Variants in PRELID2 observed in about 807,000 individuals in gnomAD.
The protein encoded by PRELID2 is PRELI domain-containing protein 2.
Under a neutral mutation model 28.4 loss-of-function variants are expected in PRELID2, and 25 were observed. That is an observed-to-expected ratio of 0.88 (90% CI 0.64 to 1.23). The LOEUF (loss-of-function observed/expected upper bound fraction) is 1.23. Ranked by LOEUF, PRELID2 falls within the 50% of genes most tolerant of loss-of-function variation. The probability of loss-of-function intolerance (pLI) is 0.00; values close to 1 mark genes in which losing one functional copy is unlikely to be tolerated. For missense variants in PRELID2, 201 were observed against 214.4 expected (o/e 0.94, Z 0.39); for synonymous variants, 76 against 71.6 (o/e 1.06, Z -0.31).
the PRELID2 span, among the ~76,000 whole-genome samples, chr5:145,339,982 C>T: frequency 1.3e-5 from 2 of 152,300 alleles, no homozygotes; most frequent in East Asian, 3.9e-4. Context: ...GCTAACTTCA[C>T]TCTCCATGAC....
chr5:145,674,011 G>A (rs865898101), intron 1 of PRELID2, among the ~76,000 whole-genome samples: 1 of 152,100 alleles, frequency 6.6e-6, no homozygotes, highest in Admixed American at 6.5e-5. Flanking sequence ...CCAATAAAAT[G>A]TCATCAGGTT....
chr5:145,611,037 T>C (rs571790443), intron 1 of PRELID2, among the ~76,000 whole-genome samples: 1 of 149,582 alleles, frequency 6.7e-6, no homozygotes, highest in African/African-American at 2.4e-5. Context: ...ATATGAAATA[T>C]AGAGAGAGAG....
At chr5:145,347,014 G>A in the PRELID2 span, among the ~76,000 whole-genome samples, 2 of 152,138 alleles carry the variant, frequency 1.3e-5, no homozygotes, top group South Asian at 2.1e-4. Flanking sequence ...TGATTTTATA[G>A]TGTTAAAGCT....
chr5:145,285,462 G>T, the PRELID2 span, among the ~76,000 whole-genome samples: 1 of 151,976 alleles, frequency 6.6e-6, no homozygotes, highest in Non-Finnish European at 1.5e-5. Context: ...GCATTATCTG[G>T]GTCAAAACTG....
chr5:145,600,318 C>T (rs62394189), intron 1 of PRELID2, among the ~76,000 whole-genome samples: 5,298 of 150,850 alleles, frequency 0.035, 195 homozygotes, highest in African/African-American at 0.086. Context: ...CTTTTTATTG[C>T]ATTGCTAGGA....
chr5:145,260,398 A>T, the PRELID2 span, among the ~76,000 whole-genome samples: 1 of 152,240 alleles, frequency 6.6e-6, no homozygotes, highest in Admixed American at 6.5e-5. Flanking sequence ...TCACAGGGAC[A>T]TAATAAATAG....
chr5:145,599,282 G>A (rs896924738), intron 1 of PRELID2, among the ~76,000 whole-genome samples: 3 of 152,166 alleles, frequency 2.0e-5, no homozygotes, highest in Non-Finnish European at 2.9e-5. Flanking sequence ...GAAAGACAGA[G>A]TAACTTGTTA....
chr5:145,353,772 G>A, the PRELID2 span, among the ~76,000 whole-genome samples: 2,111 of 152,064 alleles, frequency 0.014, 42 homozygotes, highest in African/African-American at 0.048. Context: ...TGACACATGG[G>A]GATTATGGGA....
At chr5:145,622,244 T>C (rs1410782326) in intron 1 of PRELID2, among the ~76,000 whole-genome samples, 4 of 152,144 alleles carry the variant, frequency 2.6e-5, no homozygotes. Flanking sequence ...ATCTAAACTT[T>C]AAGGTGGTAA....
chr5:145,593,882 G>T (rs1753265400), intron 1 of PRELID2, among the ~76,000 whole-genome samples: 1 of 152,100 alleles, frequency 6.6e-6, no homozygotes, highest in Non-Finnish European at 1.5e-5. Context: ...CACACAAACT[G>T]TAGAAAACAA....
At chr5:145,432,818 T>A in the PRELID2 span, among the ~76,000 whole-genome samples, 3 of 152,182 alleles carry the variant, frequency 2.0e-5, no homozygotes, top group East Asian at 1.9e-4. Flanking sequence ...AGGTTCTAAG[T>A]GCCCTATATA....
chr5:145,811,352 G>A (rs1243830770), intron 4 of PRELID2, among the ~76,000 whole-genome samples: 1 of 152,074 alleles, frequency 6.6e-6, no homozygotes, highest in Non-Finnish European at 1.5e-5. Context: ...TCAATGGCAG[G>A]ATCACAGCTC....
the PRELID2 span, among the ~76,000 whole-genome samples, chr5:145,365,671 G>T: frequency 3.8e-4 from 57 of 151,984 alleles, no homozygotes; most frequent in Non-Finnish European, 7.1e-4. Context: ...TTCTGGTCTG[G>T]CAGAGAGACA....
intron 1 of PRELID2, among the ~76,000 whole-genome samples, chr5:145,581,498 C>T (rs1753107142): frequency 6.6e-6 from 1 of 152,074 alleles, no homozygotes; most frequent in South Asian, 2.1e-4. Flanking sequence ...AATCTCCCCA[C>T]ATCCATTCTG....
At chr5:145,384,120 A>T in the PRELID2 span, among the ~76,000 whole-genome samples, 2 of 152,146 alleles carry the variant, frequency 1.3e-5, no homozygotes, top group African/African-American at 4.8e-5. Context: ...GCACCATTTT[A>T]AACTCAAGAA....
intron 4 of PRELID2, among the ~76,000 whole-genome samples, chr5:145,811,947 G>A (rs1753973871): frequency 1.3e-5 from 2 of 152,116 alleles, no homozygotes; most frequent in South Asian, 4.2e-4. Flanking sequence ...CTTCTACTAT[G>A]TCCCAATTAT....
chr5:145,331,759 G>T, the PRELID2 span, among the ~76,000 whole-genome samples: 2,358 of 152,138 alleles, frequency 0.015, 53 homozygotes, highest in African/African-American at 0.053. Flanking sequence ...GGGGCATTTA[G>T]CCCATTTACA....
At chr5:145,229,657 T>A in the PRELID2 span, 7 of 826,852 alleles carry the variant, frequency 8.5e-6, no homozygotes, top group Non-Finnish European at 8.4e-6. Flanking sequence ...GCCCAAGGTA[T>A]CTACCAGACC....
At chr5:145,321,119 C>T in the PRELID2 span, among the ~76,000 whole-genome samples, 1 of 152,124 alleles carries the variant, frequency 6.6e-6, no homozygotes, top group East Asian at 1.9e-4. Context: ...GGTTCCATAC[C>T]ATTATTATCT....
Sources: allele counts gnomAD v4.1 joint callset (sites outside exome capture counted in the v4.1 genomes callset), GRCh38; gene constraint gnomAD v4.1.1; transcripts MANE v1.5; gene names NCBI Gene and HGNC (gene_info 2026-07-23, HGNC 2026-07-21).